The following CPNE5 variants were observed in gnomAD, a reference collection of about 807,000 sequenced individuals.
CPNE5 encodes the protein copine 5.
In CPNE5, 42 loss-of-function variants were observed where a neutral mutation model predicts 81.1. That is an observed-to-expected ratio of 0.52 (90% CI 0.40 to 0.67). The LOEUF (loss-of-function observed/expected upper bound fraction) is 0.67, where lower values mean the gene tolerates loss of function less well. Ranked by LOEUF, CPNE5 falls within the 30% of genes least tolerant of loss-of-function variation. The pLI is 0.00. For synonymous variants in CPNE5, 313 were observed against 321.5 expected (o/e 0.97, Z 0.28); for missense variants, 612 against 815.5 (o/e 0.75, Z 3.04).
chr6:36,765,300 C>A, intron 11 of CPNE5, 35 bp downstream of exon 11: 3 of 1,611,714 alleles, frequency 1.9e-6, no homozygotes, highest in East Asian at 2.2e-5. Context: ...CCCATCCCCA[C>A]TCACCTTCTC....
chr6:36,760,588 C>T (rs907997813), intron 12 of CPNE5, among the ~76,000 whole-genome samples: 21 of 152,014 alleles, frequency 1.4e-4, no homozygotes, highest in African/African-American at 4.6e-4. Flanking sequence ...GGGTGGTAGG[C>T]GAGCAGTGTT....
chr6:36,756,343 T>A, intron 12 of CPNE5, 45 bp from the exon 13 acceptor site: 7 of 1,564,468 alleles, frequency 4.5e-6, no homozygotes, highest in Non-Finnish European at 6.2e-6. Flanking sequence ...TTCCAGGCAG[T>A]CAGGGTGAGT....
intron 12 of CPNE5, among the ~76,000 whole-genome samples, chr6:36,762,659 G>A (rs1441871894): frequency 6.6e-6 from 1 of 152,132 alleles, no homozygotes; most frequent in African/African-American, 2.4e-5. Context: ...TCTTTATGGG[G>A]ACACTATAAC....
chr6:36,798,538 C>A, intron 4 of CPNE5, 44 bp from the exon 5 acceptor site: 1 of 1,585,358 alleles, frequency 6.3e-7, no homozygotes, highest in Non-Finnish European at 8.7e-7. Flanking sequence ...TGCGGACGTT[C>A]TGCCCAATCC....
At chr6:36,765,304 CCTT>C (rs1766461007) in intron 11 of CPNE5, 28 bp downstream of exon 11, 2 of 1,612,556 alleles carry the variant, frequency 1.2e-6, no homozygotes, top group African/African-American at 2.7e-5. Flanking sequence ...TCCCCACTCA[CCTT>C]CTCGCCCCTG....
Position 36,798,252 on chromosome 6 carries a change from A to C in CPNE5, c.328-11T>G. Reference sequence around the variant, plus strand: ...CTGGCCCAGGAAATCCTGCATATCCAGGGAACAGAAGAGACCAGTGTCACC... The same window carrying C: ...CTGGCCCAGGAAATCCTGCATATCCCGGGAACAGAAGAGACCAGTGTCACC... On this transcript the variant is annotated splice_polypyrimidine_tract_variant and intron_variant, in intron 5 of 20. Transcript: ENST00000244751. 1 of 1,611,272 alleles carries C rather than the reference A, an allele frequency of 6.2e-7. No homozygotes were observed. The highest frequency in any genetic ancestry group is 8.5e-7 in the Non-Finnish European group (1 of 1,178,268).
At chr6:36,772,807 A>C (rs1470786252) in intron 10 of CPNE5, among the ~76,000 whole-genome samples, 3 of 151,970 alleles carry the variant, frequency 2.0e-5, no homozygotes, top group Non-Finnish European at 4.4e-5. Context: ...CAGCTGCCCC[A>C]AGGTGTCTGG....
At chr6:36,837,812 G>C (rs1263282323) in intron 1 of CPNE5, among the ~76,000 whole-genome samples, 3 of 152,122 alleles carry the variant, frequency 2.0e-5, no homozygotes, top group African/African-American at 7.2e-5. Flanking sequence ...TGACAGGCAT[G>C]ATTGAAGGCT....
intron 9 of CPNE5, among the ~76,000 whole-genome samples, chr6:36,775,583 T>C (rs1227859769): frequency 6.6e-6 from 1 of 152,172 alleles, no homozygotes; most frequent in Non-Finnish European, 1.5e-5. Context: ...GCTTCCATCT[T>C]TGTGACTCAC....
intron 9 of CPNE5, among the ~76,000 whole-genome samples, chr6:36,777,119 A>G (rs1767579324): frequency 6.6e-6 from 1 of 152,054 alleles, no homozygotes; most frequent in African/African-American, 2.4e-5. Flanking sequence ...TGATCAGACC[A>G]GTTCCCCTGC....
At chr6:36,786,766 CTATAT>C (rs1236102213) in intron 8 of CPNE5, among the ~76,000 whole-genome samples, 1 of 152,096 alleles carries the variant, frequency 6.6e-6, no homozygotes, top group African/African-American at 2.4e-5. Flanking sequence ...AAACTGGATA[CTATAT>C]TATATCAATT....
chr6:36,768,222 G>GTTTTTTTTTTT (rs1554198661), intron 10 of CPNE5, among the ~76,000 whole-genome samples: 4 of 43,538 alleles, frequency 9.2e-5, no homozygotes, highest in Admixed American at 2.6e-4. Context: ...TCTATTCACA[G>GTTTTTTTTTTT]TTCTTTTTTT....
chr6:36,767,857 C>T (rs1766697203), intron 10 of CPNE5, among the ~76,000 whole-genome samples: 1 of 152,212 alleles, frequency 6.6e-6, no homozygotes, highest in Non-Finnish European at 1.5e-5. Flanking sequence ...GAAGACAGCA[C>T]TAGTTTTCAA....
At chr6:36,785,938 G>T (rs1336520771) in intron 8 of CPNE5, among the ~76,000 whole-genome samples, 1 of 150,516 alleles carries the variant, frequency 6.6e-6, no homozygotes, top group Non-Finnish European at 1.5e-5. Flanking sequence ...GCTTGAACCC[G>T]GGAGGAGGAG....
chr6:36,754,141 C>T (rs1245936501), intron 13 of CPNE5: 1 of 152,028 alleles, frequency 6.6e-6, no homozygotes, highest in East Asian at 1.9e-4. Context: ...GCCCTGGGGG[C>T]TCTTAGATCA....
chr6:36,836,184 T>G (rs1296623274), intron 1 of CPNE5, among the ~76,000 whole-genome samples: 1 of 152,236 alleles, frequency 6.6e-6, no homozygotes, highest in East Asian at 1.9e-4. Flanking sequence ...TATAGTATAC[T>G]CTACCTGAAG....
chr6:36,768,098 G>A (rs559386906), intron 10 of CPNE5, among the ~76,000 whole-genome samples: 10 of 152,208 alleles, frequency 6.6e-5, no homozygotes, highest in Admixed American at 2.6e-4. Flanking sequence ...CAGCCTGGGG[G>A]TCAGATTAGC....
chr6:36,806,248 G>T (rs1055120415), intron 3 of CPNE5, among the ~76,000 whole-genome samples: 9 of 152,182 alleles, frequency 5.9e-5, no homozygotes, highest in African/African-American at 2.2e-4. Flanking sequence ...ACAGGAGATT[G>T]CTTCCCTTTG....
At chr6:36,760,885 G>C (rs1765958725) in intron 12 of CPNE5, among the ~76,000 whole-genome samples, 1 of 152,172 alleles carries the variant, frequency 6.6e-6, no homozygotes, top group Non-Finnish European at 1.5e-5. Context: ...ATTCTAGCAA[G>C]GCCTTCCTGC....
Sources: gnomAD v4.1 joint callset for allele counts (sites outside exome capture counted in the v4.1 genomes callset) on GRCh38, gnomAD v4.1.1 for gene constraint, MANE v1.5 for transcripts, NCBI Gene and HGNC (gene_info 2026-07-23, HGNC 2026-07-21) for gene names.